Variants in GNB4 observed in about 807,000 individuals in gnomAD.
GNB4 encodes G protein subunit beta 4.
In GNB4, 28 loss-of-function variants were observed where a neutral mutation model predicts 45.2. That is an observed-to-expected ratio of 0.62 (90% CI 0.46 to 0.85). The LOEUF (loss-of-function observed/expected upper bound fraction) is 0.85. GNB4 is among the 40% of genes least tolerant of loss of function. The pLI is 0.00. For synonymous variants in GNB4, 132 were observed against 143.7 expected, an observed-to-expected ratio of 0.92 and a Z score of 0.58; for missense variants, 321 against 425.4, an observed-to-expected ratio of 0.75 and a Z score of 2.16.
At chr3:179,453,949 A>G (rs1577044723), upstream of GNB4, among the ~76,000 whole-genome samples, 1 of 152,340 alleles carries the variant, frequency 6.6e-6, no homozygotes, top group African/African-American at 2.4e-5. Flanking sequence ...TGATTTCATA[A>G]GAGCACACTA....
the GNB4 span, among the ~76,000 whole-genome samples, chr3:179,513,663 C>A: frequency 6.6e-6 from 1 of 152,152 alleles, no homozygotes; most frequent in Non-Finnish European, 1.5e-5. Context: ...ATGGACAATG[C>A]ATTTGAAGTA....
chr3:179,484,966 A>G, the GNB4 span, among the ~76,000 whole-genome samples: 1 of 130,766 alleles, frequency 7.6e-6, no homozygotes, highest in Non-Finnish European at 1.6e-5. Context: ...ATGATTCGGT[A>G]TTTGCTAATT....
At chr3:179,455,340 G>A (rs562767176), upstream of GNB4, among the ~76,000 whole-genome samples, 203 of 152,304 alleles carry the variant, frequency 1.3e-3, no homozygotes, top group African/African-American at 4.7e-3. Context: ...ACATGTCAAA[G>A]TGAAAAAACA....
rs202187509 is a variant in GNB4, at chr3:179,409,831, AAC to A, written c.699+3579_699+3580del. 1.1e-3 allele frequency among the ~76,000 whole-genome samples: 137 copies of A among 122,384 alleles called. No individual in the cohort carries two copies. The South Asian group carries it at 0.016, about 14-fold the overall frequency. 80.3% of individuals were successfully genotyped at this position (122,384 alleles called of 152,430 possible). A position where few individuals can be genotyped will look rare whatever the true frequency, so the allele number is the denominator to read the frequency against. ...CTCAAAAAAAAAAACAAAAAAACAA[AAC>A]AAAAAAAAAACTAGAAAAAGAAAAG... is the stretch of plus-strand genomic sequence containing the variant. On this transcript the variant is annotated intron_variant, in intron 8 of 9. Coordinates refer to ENST00000232564, the MANE Select transcript of GNB4 (RefSeq NM_021629.4).
the GNB4 span, among the ~76,000 whole-genome samples, chr3:179,465,815 TTCTTCTTC>T: frequency 7.0e-4 from 95 of 135,346 alleles, 1 homozygote; most frequent in East Asian, 3.6e-3. Flanking sequence ...CTTCTTCTTC[TTCTTCTTC>T]TTTTTTTTTT....
chr3:179,489,819 T>C, the GNB4 span, among the ~76,000 whole-genome samples: 69 of 152,324 alleles, frequency 4.5e-4, no homozygotes, highest in African/African-American at 1.7e-3. Flanking sequence ...TATTAATCTA[T>C]TTTCTATTTC....
chr3:179,468,035 A>ATATATATATATATATATAT, the GNB4 span, among the ~76,000 whole-genome samples: 3 of 89,854 alleles, frequency 3.3e-5, no homozygotes, highest in Non-Finnish European at 4.8e-5. Context: ...TGTTGATAAA[A>ATATATATATATATATATAT]ATATATATAT....
At chr3:179,525,016 G>T in the GNB4 span, among the ~76,000 whole-genome samples, 2 of 152,070 alleles carry the variant, frequency 1.3e-5, no homozygotes, top group Non-Finnish European at 2.9e-5. Flanking sequence ...GAGGGGAGAG[G>T]TCAGATGGGT....
the GNB4 span, among the ~76,000 whole-genome samples, chr3:179,523,426 G>GTTGTGGAGGGA: frequency 6.6e-6 from 1 of 152,180 alleles, no homozygotes; most frequent in African/African-American, 2.4e-5. Context: ...AGAATAATGG[G>GTTGTGGAGGGA]TTGTGGAGGG....
chr3:179,475,380 A>G, the GNB4 span, among the ~76,000 whole-genome samples: 1 of 151,892 alleles, frequency 6.6e-6, no homozygotes, highest in South Asian at 2.1e-4. Context: ...CGGCCTCCCA[A>G]AGTGCTGGGA....
chr3:179,475,576 G>A, the GNB4 span, among the ~76,000 whole-genome samples: 3 of 151,852 alleles, frequency 2.0e-5, no homozygotes, highest in African/African-American at 4.8e-5. Flanking sequence ...GGGTTCAAGT[G>A]ATTCTCCTGC....
chr3:179,474,750 T>TTTTC, the GNB4 span, among the ~76,000 whole-genome samples: 1 of 140,582 alleles, frequency 7.1e-6, no homozygotes, highest in African/African-American at 2.7e-5. Context: ...TTTTTTTTTT[T>TTTTC]TTTTTTTTTT....
At chr3:179,403,806 AAAAT>A (rs1553850325) in intron 9 of GNB4, among the ~76,000 whole-genome samples, 1 of 150,446 alleles carries the variant, frequency 6.6e-6, no homozygotes, top group Non-Finnish European at 1.5e-5. Context: ...TCAAAAAAAT[AAAAT>A]AAAATAAAAT....
chr3:179,418,423 C>G (rs1225978422), intron 4 of GNB4, among the ~76,000 whole-genome samples: 1 of 139,966 alleles, frequency 7.1e-6, no homozygotes, highest in Non-Finnish European at 1.5e-5. Flanking sequence ...TGAGCCGATA[C>G]CACACCATTG....
At chr3:179,481,062 A>G in the GNB4 span, among the ~76,000 whole-genome samples, 4 of 151,968 alleles carry the variant, frequency 2.6e-5, no homozygotes, top group Non-Finnish European at 5.9e-5. Context: ...CGTGTTAGCC[A>G]GAATGGTCTC....
chr3:179,487,112 T>G, the GNB4 span, among the ~76,000 whole-genome samples: 1 of 152,192 alleles, frequency 6.6e-6, no homozygotes, highest in Non-Finnish European at 1.5e-5. Context: ...CCATTTTAAA[T>G]AAGAGTCATT....
chr3:179,507,389 T>TAGGAAGGA, the GNB4 span, among the ~76,000 whole-genome samples: 2 of 148,384 alleles, frequency 1.3e-5, no homozygotes, highest in Non-Finnish European at 3.0e-5. Flanking sequence ...GACAGGAAGG[T>TAGGAAGGA]AGGAAGGAAG....
Position 179,401,912 on chromosome 3 carries a change from C to A in GNB4, c.917-593G>T, listed in dbSNP as rs373029857. On this transcript the variant is annotated intron_variant, in intron 9 of 9. Coordinates refer to ENST00000232564, the MANE Select transcript of GNB4 (RefSeq NM_021629.4). ...TTTCATTTCTTTCACACATTAAACTCATTTGATGTATTTCCAGTATTTTGG... is the reference window on the plus strand; with the variant it reads ...TTTCATTTCTTTCACACATTAAACTAATTTGATGTATTTCCAGTATTTTGG... 3.3e-5 allele frequency among the ~76,000 whole-genome samples: 5 copies of A among 152,314 alleles called. 2 individuals carry two copies. The highest frequency in any genetic ancestry group is 6.5e-5 in the Admixed American group (1 of 15,306).
chr3:179,476,012 G>A, the GNB4 span, among the ~76,000 whole-genome samples: 1 of 152,082 alleles, frequency 6.6e-6, no homozygotes, highest in African/African-American at 2.4e-5. Flanking sequence ...AGCCCCAAAA[G>A]GTTTTAACTT....
Sources: allele counts gnomAD v4.1 joint callset (sites outside exome capture counted in the v4.1 genomes callset), GRCh38; gene constraint gnomAD v4.1.1; transcripts MANE v1.5; gene names NCBI Gene and HGNC (gene_info 2026-07-23, HGNC 2026-07-21).